Variants in CPNE4 observed in about 807,000 individuals in gnomAD.
CPNE4 encodes copine-4.
A neutral mutation model predicts 67.9 loss-of-function variants in CPNE4; 25 were observed. That is an observed-to-expected ratio of 0.37 (90% CI 0.27 to 0.51). The LOEUF (loss-of-function observed/expected upper bound fraction) is 0.51, where lower values mean the gene tolerates loss of function less well. CPNE4 is among the 20% of genes least tolerant of loss of function. The pLI, the probability that CPNE4 is intolerant of heterozygous loss-of-function variation, is 0.93. For missense variants in CPNE4, 464 were observed against 690.8 expected (o/e 0.67, Z 3.68); for synonymous variants, 242 against 244.9 (o/e 0.99, Z 0.11).
At chr3:131,898,702 C>A (rs2088432248) in intron 2 of CPNE4, among the ~76,000 whole-genome samples, 1 of 152,040 alleles carries the variant, frequency 6.6e-6, no homozygotes, top group Non-Finnish European at 1.5e-5. Flanking sequence ...AACCATCAGC[C>A]TCTGGTCACA....
intron 1 of CPNE4, among the ~76,000 whole-genome samples, chr3:131,969,002 T>C (rs4257597): frequency 0.98 from 148,613 of 151,566 alleles, 72,953 homozygotes; most frequent in East Asian, 1. Context: ...GTGGCACATA[T>C]ACACCATGGA....
chr3:131,955,979 T>C (rs561716912), intron 1 of CPNE4, among the ~76,000 whole-genome samples: 1 of 152,154 alleles, frequency 6.6e-6, no homozygotes, highest in African/African-American at 2.4e-5. Context: ...AATGTTAATG[T>C]TTGCTCCTTT....
chr3:131,697,577 A>G (rs2081184310), intron 4 of CPNE4, among the ~76,000 whole-genome samples: 1 of 152,216 alleles, frequency 6.6e-6, no homozygotes, highest in East Asian at 1.9e-4. Context: ...TCTTAAAGCT[A>G]AGATGGCTAC....
intron 1 of CPNE4, among the ~76,000 whole-genome samples, chr3:132,025,527 C>T: frequency 6.6e-6 from 1 of 152,160 alleles, no homozygotes; most frequent in East Asian, 1.9e-4. Flanking sequence ...GAAAAGCATA[C>T]ATTTTGTTGC....
At chr3:131,938,114 T>C (rs2071277203) in intron 1 of CPNE4, among the ~76,000 whole-genome samples, 2 of 152,150 alleles carry the variant, frequency 1.3e-5, no homozygotes, top group Non-Finnish European at 2.9e-5. Context: ...TCCCAGCACT[T>C]TGTGAGGCCA....
chr3:131,997,503 T>A (rs2073325030), intron 1 of CPNE4, among the ~76,000 whole-genome samples: 1 of 152,138 alleles, frequency 6.6e-6, no homozygotes, highest in Non-Finnish European at 1.5e-5. Context: ...AATTTCTCTG[T>A]TCCTCGTTTT....
intron 7 of CPNE4, 60 bp from the exon 8 acceptor site, chr3:131,587,642 G>A (rs1938274637): frequency 8.1e-7 from 1 of 1,229,958 alleles, no homozygotes; most frequent in Non-Finnish European, 1.2e-6. Context: ...AGCAGCTGAA[G>A]GCAATGTTAA....
At chr3:131,587,007 C>T (rs1486489257) in intron 8 of CPNE4, among the ~76,000 whole-genome samples, 1 of 152,112 alleles carries the variant, frequency 6.6e-6, no homozygotes, top group Non-Finnish European at 1.5e-5. Context: ...GTCACCAAAT[C>T]ATGGAAATAT....
chr3:131,760,463 A>T (rs79389615), intron 2 of CPNE4, among the ~76,000 whole-genome samples: 6,326 of 152,182 alleles, frequency 0.042, 154 homozygotes, highest in African/African-American at 0.058. Flanking sequence ...GGAAAAAAAA[A>T]CTATTTCCAG....
intron 7 of CPNE4, among the ~76,000 whole-genome samples, chr3:131,593,998 G>A (rs1020427195): frequency 2.6e-5 from 4 of 152,110 alleles, no homozygotes; most frequent in African/African-American, 9.7e-5. Context: ...GATTACAGGC[G>A]TGAGCCACCA....
At chr3:131,959,295 C>CA (rs2072096266) in intron 1 of CPNE4, among the ~76,000 whole-genome samples, 2 of 29,704 alleles carry the variant, frequency 6.7e-5, no homozygotes, top group African/African-American at 2.1e-4. Flanking sequence ...CCACCGCGCC[C>CA]GGCCGATACA....
intron 7 of CPNE4, among the ~76,000 whole-genome samples, chr3:131,597,456 A>G (rs551566304): frequency 1.3e-5 from 2 of 152,302 alleles, no homozygotes; most frequent in Admixed American, 6.5e-5. Flanking sequence ...AACTTAAAGT[A>G]TAATAATAAT....
chr3:131,743,962 CAAAAAAAAA>C (rs67791015), intron 2 of CPNE4, among the ~76,000 whole-genome samples: 1 of 59,206 alleles, frequency 1.7e-5, no homozygotes, highest in Non-Finnish European at 2.8e-5. Flanking sequence ...GACTCCGTCT[CAAAAAAAAA>C]AAAAAAAAAA....
intron 2 of CPNE4, among the ~76,000 whole-genome samples, chr3:131,739,894 T>C (rs1433919989): frequency 6.6e-6 from 1 of 152,210 alleles, no homozygotes; most frequent in Non-Finnish European, 1.5e-5. Context: ...GTATTTTGTT[T>C]GCTCCCCCAA....
At chr3:131,951,751 G>A (rs1304075503) in intron 1 of CPNE4, among the ~76,000 whole-genome samples, 1 of 152,242 alleles carries the variant, frequency 6.6e-6, no homozygotes, top group Non-Finnish European at 1.5e-5. Flanking sequence ...TTTTGGTGGA[G>A]ATGGGGTTTC....
At chr3:131,742,487 G>T (rs1391275857) in intron 2 of CPNE4, among the ~76,000 whole-genome samples, 2 of 151,970 alleles carry the variant, frequency 1.3e-5, no homozygotes, top group Admixed American at 6.6e-5. Flanking sequence ...AAGTCTTTTT[G>T]TGCATGTATG....
intron 1 of CPNE4, among the ~76,000 whole-genome samples, chr3:132,026,963 G>A (rs1177031668): frequency 6.6e-6 from 1 of 152,166 alleles, no homozygotes; most frequent in Non-Finnish European, 1.5e-5. Context: ...TACTTTTAAA[G>A]CTTAAGCCCT....
chr3:131,798,999 T>C (rs182563912), intron 2 of CPNE4, among the ~76,000 whole-genome samples: 7 of 152,294 alleles, frequency 4.6e-5, no homozygotes, highest in Non-Finnish European at 2.9e-5. Flanking sequence ...TGAACTTGCA[T>C]GTCCCATAGT....
At chr3:132,009,751 C>G (rs940996895) in intron 1 of CPNE4, among the ~76,000 whole-genome samples, 16 of 152,220 alleles carry the variant, frequency 1.1e-4, no homozygotes, top group African/African-American at 3.4e-4. Flanking sequence ...GTAAGTAACT[C>G]TCACTTAATC....
Sources: gnomAD v4.1 joint callset for allele counts (sites outside exome capture counted in the v4.1 genomes callset) on GRCh38, gnomAD v4.1.1 for gene constraint, MANE v1.5 for transcripts, NCBI Gene and HGNC (gene_info 2026-07-23, HGNC 2026-07-21) for gene names.